The following JUP variants were observed in gnomAD, a reference collection of about 807,000 sequenced individuals.
JUP encodes the protein junction plakoglobin.
JUP carries 28 observed loss-of-function variants against 71.1 expected under a neutral mutation model. That is an observed-to-expected ratio of 0.39 (90% confidence interval 0.29 to 0.54). The LOEUF is 0.54. Among genes scored for constraint, JUP ranks in the 20% least tolerant of loss-of-function variants. JUP has a pLI of 0.62. For synonymous variants in JUP, 401 were observed against 438.9 expected, an observed-to-expected ratio of 0.91 and a Z score of 1.08; for missense variants, 869 against 1,030.1, an observed-to-expected ratio of 0.84 and a Z score of 2.14.
chr17:41,757,741 C>T lies in JUP; in HGVS notation c.1817G>A (p.Gly606Glu). 1 of 1,612,800 alleles carries T rather than the reference C, an allele frequency of 6.2e-7. No homozygotes were observed. The highest frequency in any genetic ancestry group is 8.5e-7 in the Non-Finnish European group (1 of 1,179,250). Residue 606 changes from glycine (G) to glutamate (E), a missense_variant, in exon 11 of 14, where the codon GGG becomes GAG. Gly to Glu is a moderately conservative substitution (Grantham distance 98). Coordinates refer to ENST00000393931, the MANE Select transcript of JUP (RefSeq NM_002230.4). The stretch of plus-strand genomic sequence containing the variant: ...GTCCTGGGCCAGCTCACACAGCACC[C>T]CGGCAGCCACGCGCTGGATGTTCTC... The part of the protein sequence containing the change: ...SVENIQRVAA[G>E]VLCELAQDKE...
rs533032035 is a variant in JUP at position 41,769,767 on chromosome 17, T to C, written c.209-90A>G. On this transcript the variant is annotated intron_variant, in intron 2 of 13. Coordinates refer to ENST00000393931, the MANE Select transcript of JUP (RefSeq NM_002230.4). ...CAGGCCACAGACAGCCCCACCTGGG[T>C]CCTCTGGGCTACCTCTTGCCCTGCC... 6 of 1,437,322 alleles carry C rather than the reference T, an allele frequency of 4.2e-6. No individual in the cohort carries two copies. In the African/African-American group the frequency reaches 5.5e-5, roughly 13 times the overall value. The allele number at this position is 1,437,322 out of a possible 1,614,324, so 89.0% of individuals were successfully genotyped here. A position where few individuals can be genotyped will look rare whatever the true frequency, so the allele number is the denominator to read the frequency against.
rs77375949 is a variant in JUP at position 41,763,115 on chromosome 17, G to A, written c.1365C>T (p.Ala455=). ...AGDKDDITEP[A]VCALRHLTSR... ...TAGTGAGGTGGCGCAGAGCGCAGAC[G>A]GCAGGCTCCGTGATGTCGTCCTTGT... Residue 455 remains alanine, a synonymous_variant, in exon 8 of 14, where the codon GCC becomes GCT. Transcript: ENST00000393931. 1.9e-4 allele frequency: 313 copies of A among 1,614,174 alleles called. 1 individual carries two copies. In the East Asian group the frequency reaches 4.2e-3, roughly 22 times the overall value.
At chr17:41,773,919 AG>A (rs1555607868) in intron 1 of JUP, among the ~76,000 whole-genome samples, 1 of 152,212 alleles carries the variant, frequency 6.6e-6, no homozygotes, top group African/African-American at 2.4e-5. Context: ...GCTGGGCTCA[AG>A]GCTGAACGAC....
rs1419166927 is a variant in JUP, at chr17:41,767,551, G to A, written c.737C>T (p.Ala246Val). The part of the protein sequence containing the change: ...SSPVESVLFY[A>V]ITTLHNLLLY... ...GAGCAGGTTGTGCAGCGTGGTGATG[G>A]CATAGAACAGGACCGACTCCACAGG... The change falls in exon 5 of 14, where the codon GCC (alanine) becomes GTC (valine). Residue 246 changes from alanine to valine, a missense_variant. By Grantham distance (64) the Ala-to-Val change is moderately conservative (BLOSUM62 0). Transcript: ENST00000393931. 2 of 1,563,824 alleles carry A rather than the reference G, an allele frequency of 1.3e-6. No individual in the cohort carries two copies. The highest frequency in any genetic ancestry group is 1.1e-5 in the South Asian group (1 of 90,482).
intron 5 of JUP, among the ~76,000 whole-genome samples, chr17:41,766,829 T>C (rs1211701625): frequency 5.5e-5 from 8 of 146,444 alleles, no homozygotes; most frequent in Non-Finnish European, 9.0e-5. Context: ...CACTCCTGCC[T>C]GGGCGACAAA....
chr17:41,769,061 G>A lies in JUP; in HGVS notation c.615C>T (p.Thr205=). The A allele has an allele frequency of 6.2e-7, 1 of 1,613,222 alleles. No homozygotes were observed. Among genetic ancestry groups the A allele is most frequent in the Non-Finnish European group, 8.5e-7 (1 of 1,179,808 alleles). Residue 205 remains threonine (T), a synonymous_variant, in exon 4 of 14, where the codon ACC becomes ACT. Coordinates refer to ENST00000393931, the MANE Select transcript of JUP (RefSeq NM_002230.4). ...NTSDLDTARC[T]TSILHNLSHH... ...GGGAGAGGTTGTGCAGGATGCTGGT[G>A]GTGCAGCGGGCTGTGTCCAGGTCGC...
rs1382217319 is a variant in JUP at position 41,754,769 on chromosome 17, G to A, written c.*975C>T. 1 of 152,966 alleles carries A rather than the reference G, an allele frequency of 6.5e-6. No homozygotes were observed. The highest frequency in any genetic ancestry group is 1.5e-5 in the Non-Finnish European group (1 of 68,376). 9.5% of individuals were successfully genotyped at this position (152,966 alleles called of 1,614,324 possible). A position where few individuals can be genotyped will look rare whatever the true frequency, so the allele number is the denominator to read the frequency against. On this transcript the variant is annotated 3_prime_UTR_variant, in exon 14 of 14. Transcript: ENST00000393931. ...TCTGAAACAGGAAGGGGAAGAGAAA[G>A]CCCCTCACCACACACCAGAGGGGTC... is the stretch of plus-strand genomic sequence containing the variant.
rs1434919106 is a variant in JUP, at chr17:41,773,921, G to A, written c.-8-2059C>T. Among the ~76,000 whole-genome samples the A allele has an allele frequency of 2.6e-5, 4 of 152,184 alleles. No homozygotes were observed. In the South Asian group the frequency reaches 6.2e-4, roughly 24 times the overall value. On this transcript the variant is annotated intron_variant, in intron 1 of 13. Coordinates refer to ENST00000393931, the MANE Select transcript of JUP (RefSeq NM_002230.4). ...TGAATGCCGCTCTGCTGGGCTCAAG[G>A]CTGAACGACATCTGGACACTGCTGG...
chr17:41,759,292 C>T (rs1045015391), intron 8 of JUP, among the ~76,000 whole-genome samples: 17 of 152,042 alleles, frequency 1.1e-4, no homozygotes, highest in African/African-American at 3.6e-4. Context: ...GCAGGCTGGC[C>T]TCGAACCCCT....
chr17:41,781,551 G>A (rs2047167750), intron 1 of JUP, among the ~76,000 whole-genome samples: 1 of 152,180 alleles, frequency 6.6e-6, no homozygotes, highest in African/African-American at 2.4e-5. Flanking sequence ...AGGAGAGGCC[G>A]CTCAGTGTCA....
In JUP at chr17:41,771,699, C is replaced by T. The variant is rs1916673290; in HGVS notation, c.156G>A (p.Gln52=). The part of the protein sequence containing the change: ...IMEEDEACGR[Q]YTLKKTTTYT... Reference sequence around the variant, plus strand: ...AAGTGGTGGTTTTCTTGAGCGTGTACTGGCGCCCGCAGGCCTCATCCTCCT... The same window carrying T: ...AAGTGGTGGTTTTCTTGAGCGTGTATTGGCGCCCGCAGGCCTCATCCTCCT... The change falls in exon 2 of 14, where the codon CAG becomes CAA. Residue 52 remains glutamine, a synonymous_variant. Coordinates refer to ENST00000393931, the MANE Select transcript of JUP (RefSeq NM_002230.4). The T allele has an allele frequency of 6.2e-7, 1 of 1,614,150 alleles. No individual in the cohort carries two copies. Among genetic ancestry groups the T allele is most frequent in the Non-Finnish European group, 8.5e-7 (1 of 1,180,030 alleles).
At chr17:41,785,330 T>G (rs1486094362) in intron 1 of JUP, among the ~76,000 whole-genome samples, 3 of 151,200 alleles carry the variant, frequency 2.0e-5, no homozygotes, top group Non-Finnish European at 4.4e-5. Context: ...CCCACCCCCA[T>G]TCCTGGGGAG....
chr17:41,774,084 G>C (rs935107378), intron 1 of JUP, among the ~76,000 whole-genome samples: 1 of 152,002 alleles, frequency 6.6e-6, no homozygotes, highest in Non-Finnish European at 1.5e-5. Context: ...ACCCCTTGCC[G>C]GCCTCACATC....
rs782089101 is a variant in JUP at position 41,769,475 on chromosome 17, G to A, written c.411C>T (p.Ala137=). ...IVHLINYQDD[A]ELATRALPEL... ...CGGGCAGGGCGCGAGTGGCCAGCTC[G>A]GCATCGTCCTGGTAGTTGATGAGAT... The change falls in exon 3 of 14, where the codon GCC becomes GCT. Residue 137 remains alanine, a synonymous_variant. Transcript: ENST00000393931. The A allele has an allele frequency of 1.4e-5, 23 of 1,612,918 alleles. No homozygotes were observed. The highest frequency in any genetic ancestry group is 2.2e-5 in the East Asian group (1 of 44,874).
chr17:41,776,165 G>A (rs1182653035), intron 1 of JUP: 1 of 173,644 alleles, frequency 5.8e-6, no homozygotes, highest in Non-Finnish European at 1.1e-5. Context: ...GGGCGGAGCA[G>A]GGCAGGGCTG....
intron 8 of JUP, among the ~76,000 whole-genome samples, chr17:41,761,536 G>A (rs966776834): frequency 7.2e-5 from 11 of 152,150 alleles, no homozygotes; most frequent in Non-Finnish European, 5.9e-5. Context: ...ATTGGGCCAG[G>A]TGCAGTGGCT....
chr17:41,776,382 G>C (rs1567827898), intron 1 of JUP, among the ~76,000 whole-genome samples: 1 of 152,226 alleles, frequency 6.6e-6, no homozygotes. Context: ...CCACAGGAAA[G>C]GCATGCATTC....
intron 1 of JUP, 91 bp from the exon 2 acceptor site, chr17:41,771,953 A>G: frequency 9.4e-7 from 1 of 1,060,518 alleles, no homozygotes; most frequent in East Asian, 2.6e-5. Flanking sequence ...CTGTCTTCCC[A>G]CATCATCACC....
intron 8 of JUP, among the ~76,000 whole-genome samples, chr17:41,759,911 C>T (rs1914518544): frequency 6.6e-6 from 1 of 151,908 alleles, no homozygotes; most frequent in Non-Finnish European, 1.5e-5. Flanking sequence ...CATGAATTTT[C>T]TTTTTTTAAT....
Sources: allele counts gnomAD v4.1 joint callset (sites outside exome capture counted in the v4.1 genomes callset), GRCh38; gene constraint gnomAD v4.1.1; transcripts MANE v1.5; gene names NCBI Gene and HGNC (gene_info 2026-07-23, HGNC 2026-07-21).